The following CSGALNACT2 variants were observed in gnomAD, a reference collection of about 807,000 sequenced individuals.
CSGALNACT2 encodes the protein chondroitin sulfate N-acetylgalactosaminyltransferase 2, also known as beta 4 GalNAcT-2.
CSGALNACT2 carries 35 observed loss-of-function variants against 55.3 expected under a neutral mutation model. The observed-to-expected ratio is 0.63, with a 90% CI of 0.48 to 0.84. The LOEUF is 0.84. Among genes scored for constraint, CSGALNACT2 ranks in the 40% least tolerant of loss-of-function variants. CSGALNACT2 has a pLI of 0.00. For missense variants in CSGALNACT2, 544 were observed against 657.5 expected (o/e 0.83, Z 1.89); for synonymous variants, 196 against 224.9 (o/e 0.87, Z 1.15).
intron 7 of CSGALNACT2, among the ~76,000 whole-genome samples, chr10:43,182,381 T>C (rs1661853990): frequency 6.6e-6 from 1 of 152,182 alleles, no homozygotes; most frequent in African/African-American, 2.4e-5. Flanking sequence ...TTTCTTTACC[T>C]CTATTTAACC....
At chr10:43,174,309 C>G (rs1839438793) in intron 6 of CSGALNACT2, among the ~76,000 whole-genome samples, 1 of 152,164 alleles carries the variant, frequency 6.6e-6, no homozygotes, top group South Asian at 2.1e-4. Flanking sequence ...CCTGTTGATT[C>G]TCCTATTCTG....
chr10:43,167,871 A>T (rs1220294695), intron 6 of CSGALNACT2, among the ~76,000 whole-genome samples: 1 of 152,116 alleles, frequency 6.6e-6, no homozygotes, highest in East Asian at 1.9e-4. Flanking sequence ...AGTCACTTTA[A>T]GATGTTTAAA....
At chr10:43,150,588 A>G (rs1160127813) in intron 1 of CSGALNACT2, among the ~76,000 whole-genome samples, 1 of 151,990 alleles carries the variant, frequency 6.6e-6, no homozygotes, top group East Asian at 1.9e-4. Flanking sequence ...ATCTGTCATT[A>G]TTATCTTTTG....
At chr10:43,179,830 T>C (rs996117359) in intron 7 of CSGALNACT2, among the ~76,000 whole-genome samples, 2 of 152,230 alleles carry the variant, frequency 1.3e-5, no homozygotes, top group Non-Finnish European at 2.9e-5. Context: ...ACCAGCCTCC[T>C]CTTAATTGCT....
intron 4 of CSGALNACT2, chr10:43,162,055 A>G (rs1839160897): frequency 6.3e-6 from 3 of 475,748 alleles, no homozygotes; most frequent in African/African-American, 5.9e-5. Context: ...CCCAGAAATA[A>G]AGGGATTGTT....
chr10:43,182,953 CTTTA>C (rs1326589296), intron 7 of CSGALNACT2, among the ~76,000 whole-genome samples: 10 of 151,896 alleles, frequency 6.6e-5, no homozygotes, highest in Non-Finnish European at 1.5e-4. Context: ...TTTTCTTCTC[CTTTA>C]TTTGACTTTT....
At chr10:43,161,580 T>C (rs1295090533) in intron 4 of CSGALNACT2, among the ~76,000 whole-genome samples, 2 of 152,182 alleles carry the variant, frequency 1.3e-5, no homozygotes, top group Non-Finnish European at 2.9e-5. Flanking sequence ...AGAGTGGGCG[T>C]AGATGAGTGA....
intron 1 of CSGALNACT2, among the ~76,000 whole-genome samples, chr10:43,143,194 T>G (rs188585846): frequency 1.6e-4 from 25 of 152,296 alleles, no homozygotes; most frequent in Middle Eastern, 3.4e-3. Flanking sequence ...GAAAAAATAT[T>G]TGCAACATGG....
intron 1 of CSGALNACT2, among the ~76,000 whole-genome samples, chr10:43,144,519 AT>A (rs1435958911): frequency 6.6e-6 from 1 of 152,062 alleles, no homozygotes; most frequent in African/African-American, 2.4e-5. Context: ...TTAAATGCAA[AT>A]TCATAATCAA....
chr10:43,176,332 C>T (rs1232021430), intron 7 of CSGALNACT2, among the ~76,000 whole-genome samples: 1 of 152,130 alleles, frequency 6.6e-6, no homozygotes, highest in Non-Finnish European at 1.5e-5. Flanking sequence ...AGTAGTCTTA[C>T]AAAAGCTTTC....
chr10:43,140,185 GA>G (rs200255120), intron 1 of CSGALNACT2, among the ~76,000 whole-genome samples: 43 of 147,162 alleles, frequency 2.9e-4, no homozygotes, highest in African/African-American at 9.5e-4. Context: ...AAAAAGAAAA[GA>G]AAAAAAAAAG....
intron 1 of CSGALNACT2, among the ~76,000 whole-genome samples, chr10:43,151,041 C>A (rs576622078): frequency 1.3e-5 from 2 of 152,102 alleles, no homozygotes; most frequent in African/African-American, 4.8e-5. Context: ...TGAAGTTTAA[C>A]TTGGATCTCT....
rs200632295 is a variant in CSGALNACT2 at position 43,155,582 on chromosome 10, G to A, written c.433G>A (p.Val145Ile). 1.1e-5 allele frequency: 18 copies of A among 1,614,184 alleles called. No homozygotes were observed. In the African/African-American group the frequency reaches 1.3e-4, roughly 12 times the overall value. The change falls in exon 2 of 8, where the codon GTC becomes ATC. Residue 145 changes from valine to isoleucine, a missense_variant. Physicochemically the swap from Val to Ile is conservative, Grantham distance 29. Transcript: ENST00000374466. The part of the protein sequence containing the change: ...IGAKLPSEYG[V>I]IPFESFTLMK... ...GGCCAAACTACCCAGTGAGTATGGG[G>A]TCATTCCCTTTGAAAGTTTTACCTT...
At chr10:43,170,221 G>A (rs904304183) in intron 6 of CSGALNACT2, among the ~76,000 whole-genome samples, 8 of 152,346 alleles carry the variant, frequency 5.3e-5, no homozygotes, top group African/African-American at 1.4e-4. Context: ...GCTGTCAGCT[G>A]AGAGGGCCTA....
At chr10:43,162,811 T>TG in intron 4 of CSGALNACT2, 1 of 920,242 alleles carries the variant, frequency 1.1e-6, no homozygotes. Context: ...TCTGAGAGTT[T>TG]GCTTCTCTAA....
rs528078087 is a variant in CSGALNACT2 at position 43,156,898 on chromosome 10, G to A, written c.661+1088G>A. Among the ~76,000 whole-genome samples the A allele has an allele frequency of 2.0e-5, 3 of 152,302 alleles. 1 individual carries two copies. The highest frequency in any genetic ancestry group is 2.1e-4 in the South Asian group (1 of 4,826). ...GACCAGTAGCGGTCTGTGGCCTGGG[G>A]GTTAGGGACCCCTCGTATAGCACAT... On this transcript the variant is annotated intron_variant, in intron 2 of 7. Transcript: ENST00000374466.
chr10:43,151,102 A>T (rs1398486711), intron 1 of CSGALNACT2, among the ~76,000 whole-genome samples: 2 of 152,224 alleles, frequency 1.3e-5, no homozygotes, highest in Non-Finnish European at 2.9e-5. Flanking sequence ...ACATCATTTT[A>T]AAAATACAGT....
intron 1 of CSGALNACT2, among the ~76,000 whole-genome samples, chr10:43,144,686 G>A (rs1178918752): frequency 6.6e-6 from 1 of 152,094 alleles, no homozygotes; most frequent in Non-Finnish European, 1.5e-5. Flanking sequence ...CATATTTAAA[G>A]TGTGCAATTT....
At chr10:43,163,172 A>C in intron 4 of CSGALNACT2, 1 of 985,246 alleles carries the variant, frequency 1.0e-6, no homozygotes, top group Non-Finnish European at 1.2e-6. Context: ...CCAAGGCATA[A>C]CTCACGTTCC....
Sources: gnomAD v4.1 joint callset for allele counts (sites outside exome capture counted in the v4.1 genomes callset) on GRCh38, gnomAD v4.1.1 for gene constraint, MANE v1.5 for transcripts, NCBI Gene and HGNC (gene_info 2026-07-23, HGNC 2026-07-21) for gene names.